Variants in ATG10 observed in about 807,000 individuals in gnomAD.
ATG10 encodes the protein autophagy related 10.
Under a neutral mutation model 32.1 loss-of-function variants are expected in ATG10, and 30 were observed. The observed-to-expected ratio is 0.94, with a 90% confidence interval of 0.70 to 1.27. ATG10 has a LOEUF of 1.27. Among genes scored for constraint, ATG10 ranks in the 50% most tolerant of loss-of-function variants. The pLI is 0.00. For synonymous variants in ATG10, 87 were observed against 91.5 expected (o/e 0.95, Z 0.28); for missense variants, 233 against 262.3 (o/e 0.89, Z 0.77).
At chr5:82,071,648 T>C (rs1242923620) in intron 3 of ATG10, among the ~76,000 whole-genome samples, 3 of 151,982 alleles carry the variant, frequency 2.0e-5, no homozygotes, top group Non-Finnish European at 4.4e-5. Flanking sequence ...GTGATACGTG[T>C]AGAGGGTAGT....
At chr5:82,107,220 G>A (rs1765470257) in intron 3 of ATG10, among the ~76,000 whole-genome samples, 1 of 152,032 alleles carries the variant, frequency 6.6e-6, no homozygotes, top group South Asian at 2.1e-4. Context: ...CATAAAGTCG[G>A]TGGTTTAGTT....
At chr5:82,169,320 G>GA (rs34118832) in intron 4 of ATG10, among the ~76,000 whole-genome samples, 271 of 124,596 alleles carry the variant, frequency 2.2e-3, no homozygotes, top group Middle Eastern at 4.3e-3. Context: ...GTGAAATTTG[G>GA]AAAAAAAAAA....
At chr5:82,208,609 A>G (rs1457231989) in intron 5 of ATG10, among the ~76,000 whole-genome samples, 3 of 152,170 alleles carry the variant, frequency 2.0e-5, no homozygotes, top group African/African-American at 7.2e-5. Flanking sequence ...CATTTCCTTC[A>G]GAGGGAGAAC....
chr5:82,085,251 G>A (rs559332644), intron 3 of ATG10, among the ~76,000 whole-genome samples: 21 of 152,144 alleles, frequency 1.4e-4, no homozygotes, highest in African/African-American at 4.8e-4. Flanking sequence ...TTACTTAATG[G>A]TAAAGGGATC....
At chr5:82,250,957 GA>G (rs542235478) in intron 5 of ATG10, among the ~76,000 whole-genome samples, 116 of 152,376 alleles carry the variant, frequency 7.6e-4, no homozygotes, top group African/African-American at 2.6e-3. Flanking sequence ...CCCAGTTAGG[GA>G]TGGGAATGAA....
chr5:82,094,486 A>G (rs1764989100), intron 3 of ATG10, among the ~76,000 whole-genome samples: 1 of 152,150 alleles, frequency 6.6e-6, no homozygotes, highest in Non-Finnish European at 1.5e-5. Flanking sequence ...AAATTGTTAC[A>G]ATCTTTCTGG....
chr5:82,138,429 T>G (rs558775244), intron 3 of ATG10, among the ~76,000 whole-genome samples: 3 of 152,166 alleles, frequency 2.0e-5, no homozygotes, highest in South Asian at 2.1e-4. Flanking sequence ...TGGGCCAGAG[T>G]GCACCCTTCT....
chr5:82,183,569 T>C (rs574397579), intron 5 of ATG10, among the ~76,000 whole-genome samples: 2 of 152,324 alleles, frequency 1.3e-5, no homozygotes, highest in East Asian at 3.9e-4. Context: ...TGGTTATCCC[T>C]CTTTTTTGTG....
intron 1 of ATG10, among the ~76,000 whole-genome samples, chr5:81,984,288 C>G (rs999990813): frequency 6.6e-6 from 1 of 152,232 alleles, no homozygotes; most frequent in Non-Finnish European, 1.5e-5. Flanking sequence ...CCAGTCAGGC[C>G]TGGCGGCGCG....
chr5:82,203,754 T>C (rs1410148581), intron 5 of ATG10, among the ~76,000 whole-genome samples: 2 of 150,226 alleles, frequency 1.3e-5, no homozygotes, highest in African/African-American at 5.1e-5. Flanking sequence ...TTTCCTCTTA[T>C]GACATTCTGC....
chr5:82,023,883 A>G (rs1295714039), intron 2 of ATG10, among the ~76,000 whole-genome samples: 3 of 152,196 alleles, frequency 2.0e-5, no homozygotes, highest in African/African-American at 7.2e-5. Context: ...TCTTATTTGT[A>G]GAGCGATTGC....
intron 3 of ATG10, among the ~76,000 whole-genome samples, chr5:82,083,235 A>G (rs1022953684): frequency 1.3e-5 from 2 of 152,318 alleles, no homozygotes; most frequent in East Asian, 3.9e-4. Flanking sequence ...ACTCACTGCT[A>G]GCACAGTAGT....
At chr5:81,988,827 G>GT (rs1331324220) in intron 2 of ATG10, among the ~76,000 whole-genome samples, 3 of 152,004 alleles carry the variant, frequency 2.0e-5, no homozygotes, top group African/African-American at 4.8e-5. Flanking sequence ...GTCAAAAACT[G>GT]TTTTTTTGTT....
At chr5:82,004,896 G>T (rs377536716) in intron 2 of ATG10, among the ~76,000 whole-genome samples, 1 of 152,152 alleles carries the variant, frequency 6.6e-6, no homozygotes, top group East Asian at 1.9e-4. Context: ...TCTCAAAATG[G>T]CACCAATTGA....
intron 3 of ATG10, among the ~76,000 whole-genome samples, chr5:82,066,775 A>G (rs1169236848): frequency 6.6e-6 from 1 of 152,140 alleles, no homozygotes; most frequent in African/African-American, 2.4e-5. Context: ...GTTCTATTTT[A>G]TATGTCCAAA....
At chr5:82,139,533 G>T (rs1467464709) in intron 3 of ATG10, among the ~76,000 whole-genome samples, 1 of 119,202 alleles carries the variant, frequency 8.4e-6, no homozygotes, top group Non-Finnish European at 1.8e-5. Flanking sequence ...GCCCGGCCGA[G>T]ACCCCGTCTG....
intron 4 of ATG10, among the ~76,000 whole-genome samples, chr5:82,165,696 C>T (rs1172081142): frequency 6.6e-6 from 1 of 152,172 alleles, no homozygotes; most frequent in East Asian, 1.9e-4. Flanking sequence ...GCCTTTAAAA[C>T]ACTCATTTTA....
intron 2 of ATG10, among the ~76,000 whole-genome samples, chr5:81,999,551 T>C (rs537130478): frequency 2.0e-5 from 3 of 150,970 alleles, no homozygotes; most frequent in African/African-American, 4.9e-5. Flanking sequence ...CTGAAGGAAA[T>C]TGAGATGCAA....
chr5:82,156,511 C>T (rs1767803767), intron 3 of ATG10, among the ~76,000 whole-genome samples: 1 of 152,112 alleles, frequency 6.6e-6, no homozygotes, highest in Non-Finnish European at 1.5e-5. Flanking sequence ...GTTTTGTGCC[C>T]TGGCTCAGTT....
Sources: gnomAD v4.1 joint callset for allele counts (sites outside exome capture counted in the v4.1 genomes callset) on GRCh38, gnomAD v4.1.1 for gene constraint, MANE v1.5 for transcripts, NCBI Gene and HGNC (gene_info 2026-07-23, HGNC 2026-07-21) for gene names.